The following ADAMTSL3 variants were observed in gnomAD, a reference collection of about 807,000 sequenced individuals.
ADAMTSL3 encodes ADAMTS-like protein 3.
A neutral mutation model predicts 201.7 loss-of-function variants in ADAMTSL3; 128 were observed. That is an observed-to-expected ratio of 0.63 (90% CI 0.55 to 0.73). The LOEUF (loss-of-function observed/expected upper bound fraction) is 0.73, where lower values mean the gene tolerates loss of function less well. Among genes scored for constraint, ADAMTSL3 ranks in the 30% least tolerant of loss-of-function variants. The probability of loss-of-function intolerance (pLI) is 0.00; values close to 1 mark genes in which losing one functional copy is unlikely to be tolerated. For synonymous variants in ADAMTSL3, 738 were observed against 748.4 expected, an observed-to-expected ratio of 0.99 and a Z score of 0.23; for missense variants, 1,990 against 2,119.6, an observed-to-expected ratio of 0.94 and a Z score of 1.20.
At chr15:83,764,237 C>T (rs1484272501) in intron 3 of ADAMTSL3, among the ~76,000 whole-genome samples, 1 of 152,160 alleles carries the variant, frequency 6.6e-6, no homozygotes, top group Non-Finnish European at 1.5e-5. Flanking sequence ...GGCTTTGCTC[C>T]CTCAGTCCTT....
intron 19 of ADAMTSL3, among the ~76,000 whole-genome samples, chr15:83,944,043 T>C (rs1467287958): frequency 6.6e-6 from 1 of 152,190 alleles, no homozygotes; most frequent in Non-Finnish European, 1.5e-5. Flanking sequence ...ATTCATGTCC[T>C]GGGCAGATGG....
chr15:83,828,738 G>T (rs974374070), intron 6 of ADAMTSL3, among the ~76,000 whole-genome samples: 2 of 152,116 alleles, frequency 1.3e-5, no homozygotes, highest in Non-Finnish European at 2.9e-5. Context: ...TAGCATGAAG[G>T]TTGTTTAATT....
intron 20 of ADAMTSL3, among the ~76,000 whole-genome samples, chr15:83,975,027 G>T (rs533734933): frequency 1.4e-3 from 181 of 129,498 alleles, no homozygotes; most frequent in African/African-American, 5.2e-3. Flanking sequence ...TTTTTGAGAC[G>T]GAGTCTCGCT....
intron 23 of ADAMTSL3, among the ~76,000 whole-genome samples, chr15:83,998,776 GA>G (rs1242561385): frequency 6.6e-6 from 1 of 152,122 alleles, no homozygotes; most frequent in Non-Finnish European, 1.5e-5. Flanking sequence ...AATAAACAGG[GA>G]AAGAGATTTT....
chr15:83,835,107 A>G (rs1047380972), intron 6 of ADAMTSL3, among the ~76,000 whole-genome samples: 1 of 151,804 alleles, frequency 6.6e-6, no homozygotes, highest in Non-Finnish European at 1.5e-5. Flanking sequence ...GGTGGCGGGT[A>G]GCTGTAGTCC....
intron 7 of ADAMTSL3, among the ~76,000 whole-genome samples, chr15:83,839,951 TG>T (rs2064343534): frequency 6.6e-6 from 1 of 152,190 alleles, no homozygotes; most frequent in Non-Finnish European, 1.5e-5. Context: ...AAACAGATGT[TG>T]ATTATGTTTT....
intron 4 of ADAMTSL3, among the ~76,000 whole-genome samples, chr15:83,785,834 A>G (rs77287172): frequency 0.014 from 2,168 of 150,626 alleles, 52 homozygotes; most frequent in African/African-American, 0.047. Context: ...GTGATTTTCA[A>G]GCTGTCATAT....
In ADAMTSL3 at chr15:83,679,448, T is replaced by C. The variant is rs1385293251; in HGVS notation, c.69+23618T>C. On this transcript the variant is annotated intron_variant, in intron 2 of 29. Transcript: ENST00000286744. ...GAGTATTATGAGACTCTGGATCTTA[T>C]TTGATTCAATTTAAATCTATCTTCT... is the stretch of plus-strand genomic sequence containing the variant. Among the ~76,000 whole-genome samples, 4 of 152,110 alleles carry C rather than the reference T, an allele frequency of 2.6e-5. No homozygotes were observed. The East Asian group carries it at 7.7e-4, about 29-fold the overall frequency.
rs1474467326 is a variant in ADAMTSL3, at chr15:83,897,940, A to G, written c.1550A>G (p.Asn517Ser). The change falls in exon 14 of 30, where the codon AAT becomes AGT. Residue 517 changes from asparagine (N) to serine (S), a missense_variant. Coordinates refer to ENST00000286744, the MANE Select transcript of ADAMTSL3 (RefSeq NM_207517.3). ...NHRGEHVGGC[N>S]PQLKLHIKEE... is the part of the protein sequence containing the mutation. ...CGCGGAGAGCATGTTGGGGGCTGCA[A>G]TCCACAACTGAAGTTACACATCAAA... 6.8e-6 allele frequency: 11 copies of G among 1,613,846 alleles called. No homozygotes were observed. The highest frequency in any genetic ancestry group is 4.0e-5 in the African/African-American group (3 of 74,900).
chr15:83,920,893 G>A (rs905395225), intron 16 of ADAMTSL3, among the ~76,000 whole-genome samples: 5 of 152,046 alleles, frequency 3.3e-5, no homozygotes, highest in African/African-American at 4.8e-5. Flanking sequence ...TGGGATTGAG[G>A]GGGAGCATCA....
chr15:83,894,484 C>A (rs1458168326), intron 13 of ADAMTSL3, among the ~76,000 whole-genome samples: 1 of 152,126 alleles, frequency 6.6e-6, no homozygotes, highest in Non-Finnish European at 1.5e-5. Context: ...TCAAAAAAAT[C>A]TGTCTAGTGG....
At chr15:83,887,113 A>G (rs1425836158) in intron 10 of ADAMTSL3, among the ~76,000 whole-genome samples, 2 of 152,092 alleles carry the variant, frequency 1.3e-5, no homozygotes, top group Non-Finnish European at 2.9e-5. Flanking sequence ...AGGCCCCACC[A>G]CAGACCTACT....
At chr15:83,809,639 G>C (rs750283094) in intron 5 of ADAMTSL3, among the ~76,000 whole-genome samples, 10 of 151,948 alleles carry the variant, frequency 6.6e-5, no homozygotes, top group African/African-American at 2.4e-4. Context: ...ACTATGTGTC[G>C]GCCCCAGGCA....
At position 83,713,790 on chromosome 15, in the gene ADAMTSL3, C is replaced by T. The variant is rs1050661023; in HGVS notation, c.189+9282C>T. On this transcript the variant is annotated intron_variant, in intron 3 of 29. Transcript: ENST00000286744. ...GGCATTATGTTTTGATTGGCTTATTCAGAAATGTTTCCTTTTGTTTGGCCA... is the reference window on the plus strand; with the variant it reads ...GGCATTATGTTTTGATTGGCTTATTTAGAAATGTTTCCTTTTGTTTGGCCA... Among the ~76,000 whole-genome samples, 3 of 152,182 alleles carry T rather than the reference C, an allele frequency of 2.0e-5. No homozygotes were observed. In the East Asian group the frequency reaches 5.8e-4, roughly 29 times the overall value.
chr15:83,899,870 T>C (rs547238801), intron 15 of ADAMTSL3, 139 bp downstream of exon 15: 2 of 1,190,776 alleles, frequency 1.7e-6, no homozygotes, highest in African/African-American at 3.1e-5. Context: ...GAGCTTGAGC[T>C]GGCTAGAATT....
At chr15:83,767,696 C>A (rs1412133928) in intron 3 of ADAMTSL3, among the ~76,000 whole-genome samples, 1 of 152,228 alleles carries the variant, frequency 6.6e-6, no homozygotes. Context: ...CTGCCGGATC[C>A]AGTTCCTTCT....
At chr15:83,972,387 C>T (rs972882015) in intron 20 of ADAMTSL3, among the ~76,000 whole-genome samples, 11 of 152,172 alleles carry the variant, frequency 7.2e-5, no homozygotes, top group African/African-American at 2.2e-4. Flanking sequence ...TATCATGCTT[C>T]GTTCAAGTTG....
rs2067178104 is a variant in ADAMTSL3 at position 83,970,562 on chromosome 15, C to T, written c.2569C>T (p.Pro857Ser). 1.2e-6 allele frequency: 2 copies of T among 1,614,006 alleles called. No individual in the cohort carries two copies. Among genetic ancestry groups the T allele is most frequent in the Non-Finnish European group, 1.7e-6 (2 of 1,180,014 alleles). Reference protein sequence around the residue: ...QRLAAKGRRIPLSEMMCRDLP... With the variant: ...QRLAAKGRRISLSEMMCRDLP... The stretch of plus-strand genomic sequence containing the variant: ...GCTGGCAGCCAAAGGTCGGCGCATC[C>T]CCCTCAGTGAGATGATGTGCAGGGA... Residue 857 changes from proline (P) to serine (S), a missense_variant, in exon 20 of 30, where the codon CCC (proline) becomes TCC (serine). By Grantham distance (74) the Pro-to-Ser change is moderately conservative. Transcript: ENST00000286744.
rs551679585 is a variant in ADAMTSL3, at chr15:83,825,301, A to C, written c.600+5254A>C. Among the ~76,000 whole-genome samples the C allele has an allele frequency of 3.9e-5, 6 of 152,332 alleles. No individual in the cohort carries two copies. In the East Asian group the frequency reaches 9.6e-4, roughly 24 times the overall value. On this transcript the variant is annotated intron_variant, in intron 6 of 29. Coordinates refer to ENST00000286744, the MANE Select transcript of ADAMTSL3 (RefSeq NM_207517.3). Reference sequence around the variant, plus strand: ...ATGATCATGCATTGTTTTTATAATTAAAATGAATTGTTATTAAAAGCAATT... The same window carrying C: ...ATGATCATGCATTGTTTTTATAATTCAAATGAATTGTTATTAAAAGCAATT...
Sources: gnomAD v4.1 joint callset for allele counts (sites outside exome capture counted in the v4.1 genomes callset) on GRCh38, gnomAD v4.1.1 for gene constraint, MANE v1.5 for transcripts, NCBI Gene and HGNC (gene_info 2026-07-23, HGNC 2026-07-21) for gene names.